The following PC variants were observed in gnomAD, a reference collection of about 807,000 sequenced individuals.
The protein encoded by PC is pyruvate carboxylase.
Under a neutral mutation model 107.8 loss-of-function variants are expected in PC, and 46 were observed. That is an observed-to-expected ratio of 0.43 (90% CI 0.34 to 0.55). PC has a LOEUF of 0.55. PC is among the 20% of genes least tolerant of loss of function. PC has a pLI of 0.04. For missense variants in PC, 1,241 were observed against 1,643.1 expected (o/e 0.76, Z 4.23); for synonymous variants, 662 against 684.7 (o/e 0.97, Z 0.52).
Position 66,849,154 on chromosome 11 carries a change from AC to A in PC, c.3289-8del, listed in dbSNP as rs2135784540. 1.2e-6 allele frequency: 2 copies of A among 1,613,770 alleles called. No homozygotes were observed. Among genetic ancestry groups the A allele is most frequent in the Non-Finnish European group, 1.7e-6 (2 of 1,179,998 alleles). ...TGGGGTGGAAGTGCATCTCCTGAAG[AC>A]ACAGGGCAGAGGGGACATGACATCC... On this transcript the variant is annotated splice_polypyrimidine_tract_variant and splice_region_variant and intron_variant, in intron 22 of 22. Transcript: ENST00000393960.
chr11:66,881,672 C>A (rs1947193122), intron 3 of PC, among the ~76,000 whole-genome samples: 1 of 152,360 alleles, frequency 6.6e-6, no homozygotes, highest in Admixed American at 6.5e-5. Flanking sequence ...CCCAGCAGAG[C>A]CTTGCTCCTT....
intron 3 of PC, among the ~76,000 whole-genome samples, chr11:66,943,577 CT>C (rs1363230093): frequency 1.3e-5 from 2 of 150,706 alleles, no homozygotes; most frequent in Non-Finnish European, 3.0e-5. Context: ...AACCCTGTCT[CT>C]ACTAAAAATG....
At chr11:66,906,516 G>A (rs922486835) in intron 3 of PC, among the ~76,000 whole-genome samples, 2 of 152,142 alleles carry the variant, frequency 1.3e-5, no homozygotes, top group African/African-American at 4.8e-5. Context: ...TCCCGGGGTG[G>A]GGAGAAAGGC....
intron 3 of PC, among the ~76,000 whole-genome samples, chr11:66,950,794 C>G (rs1185295466): frequency 6.6e-6 from 1 of 152,166 alleles, no homozygotes; most frequent in Non-Finnish European, 1.5e-5. Context: ...AAGCAGCCTT[C>G]TCTAGGCTTC....
intron 3 of PC, among the ~76,000 whole-genome samples, chr11:66,902,180 T>C (rs1039251935): frequency 4.6e-5 from 7 of 152,216 alleles, no homozygotes; most frequent in African/African-American, 1.7e-4. Flanking sequence ...TCTCTCCCTA[T>C]TCGTGACTCC....
At chr11:66,943,778 A>G (rs1020659877) in intron 3 of PC, among the ~76,000 whole-genome samples, 14 of 147,850 alleles carry the variant, frequency 9.5e-5, no homozygotes, top group Non-Finnish European at 1.6e-4. Context: ...AAAAAAAAAA[A>G]AAAAAAAGAA....
At chr11:66,937,748 C>T (rs946719510) in intron 3 of PC, among the ~76,000 whole-genome samples, 16 of 151,470 alleles carry the variant, frequency 1.1e-4, no homozygotes, top group African/African-American at 3.9e-4. Context: ...AGTAACTACA[C>T]AGTTCAACTC....
At chr11:66,862,190 A>T (rs916006497) in intron 12 of PC, among the ~76,000 whole-genome samples, 1 of 152,124 alleles carries the variant, frequency 6.6e-6, no homozygotes, top group Admixed American at 6.5e-5. Flanking sequence ...TCGACAGCTG[A>T]TGTCGCGACA....
At chr11:66,908,696 G>A (rs535646858) in intron 3 of PC, among the ~76,000 whole-genome samples, 4 of 152,178 alleles carry the variant, frequency 2.6e-5, no homozygotes, top group Non-Finnish European at 4.4e-5. Flanking sequence ...TGCATGGTTC[G>A]GCGCGCTCAC....
chr11:66,927,609 G>A (rs572743575), intron 3 of PC, among the ~76,000 whole-genome samples: 4 of 151,894 alleles, frequency 2.6e-5, no homozygotes, highest in African/African-American at 9.7e-5. Context: ...TGTAGTCTCA[G>A]CTACTAGGGA....
intron 3 of PC, among the ~76,000 whole-genome samples, chr11:66,894,893 G>C (rs929549257): frequency 6.6e-6 from 1 of 152,068 alleles, no homozygotes. Flanking sequence ...GTGGTGGCAT[G>C]CACCTGTAGT....
At chr11:66,881,422 C>T (rs889533131) in intron 3 of PC, among the ~76,000 whole-genome samples, 1 of 152,226 alleles carries the variant, frequency 6.6e-6, no homozygotes, top group Non-Finnish European at 1.5e-5. Context: ...CGGGTGACTC[C>T]ACAGCTTCCA....
In PC at chr11:66,858,313, C is replaced by T. The variant is rs1219903804; in HGVS notation, c.1369-4930G>A. ...GACGCACTGCCCCCAGGCGCCTTCG[C>T]CCAGCTCGGTCAGCTCTCCCGCCTG... On this transcript the variant is annotated intron_variant, in intron 12 of 22. Transcript: ENST00000393960. This position sits in a 1 kb window ranked among gnomAD's most constrained non-coding sequence, Gnocchi z 5.9. The T allele has an allele frequency of 6.2e-7, 1 of 1,609,578 alleles. No homozygotes were observed. Among genetic ancestry groups the T allele is most frequent in the Non-Finnish European group, 8.5e-7 (1 of 1,179,518 alleles).
rs1946021372 is a variant in PC, at chr11:66,858,527, C to G, written c.1369-5144G>C. ...ACCTGGAAACGTGCGCCTCCCCGCC[C>G]GGCCTGGCCGGCCGCTACTTCTGGG... On this transcript the variant is annotated intron_variant, in intron 12 of 22. Coordinates refer to ENST00000393960, the MANE Select transcript of PC (RefSeq NM_001040716.2). The surrounding 1 kb of genome is among the most constrained non-coding windows in gnomAD (Gnocchi z 5.9). 6 of 1,533,736 alleles carry G rather than the reference C, an allele frequency of 3.9e-6. No individual in the cohort carries two copies. Among genetic ancestry groups the G allele is most frequent in the Non-Finnish European group, 5.2e-6 (6 of 1,145,334 alleles).
chr11:66,884,521 A>G (rs1438127977), intron 3 of PC, among the ~76,000 whole-genome samples: 1 of 152,208 alleles, frequency 6.6e-6, no homozygotes, highest in Non-Finnish European at 1.5e-5. Context: ...GCACACACAC[A>G]CTAGTGGGAC....
Position 66,850,049 on chromosome 11 carries a change from G to C in PC, c.2786C>G (p.Ala929Gly), listed in dbSNP as rs565678903. 13 of 1,613,710 alleles carry C rather than the reference G, an allele frequency of 8.1e-6. No individual in the cohort carries two copies. The Admixed American group carries it at 2.2e-4, about 27-fold the overall frequency. The stretch of plus-strand genomic sequence containing the variant: ...CTCTTCCGCCTGAGCTTCGGCCTCT[G>C]CCCGGCTCAATCCATTCTGCACCAT... ...QFMVQNGLSR[A>G]EAEAQAEELS... The change falls in exon 20 of 23, where the codon GCA (alanine) becomes GGA (glycine). Residue 929 changes from alanine to glycine, a missense_variant. By Grantham distance (60) the Ala-to-Gly change is moderately conservative. This residue lies in a region of PC where 1,143 missense variants were observed against 1,551.9 expected (regional missense o/e 0.74). Transcript: ENST00000393960.
At chr11:66,912,985 C>A (rs1296598941) in intron 3 of PC, among the ~76,000 whole-genome samples, 1 of 152,206 alleles carries the variant, frequency 6.6e-6, no homozygotes, top group Non-Finnish European at 1.5e-5. Context: ...TAAGCCCCCA[C>A]CCAGCAACCC....
In PC at chr11:66,857,714, G is replaced by C; in HGVS notation, c.1369-4331C>G. On this transcript the variant is annotated intron_variant, in intron 12 of 22. Coordinates refer to ENST00000393960, the MANE Select transcript of PC (RefSeq NM_001040716.2). The surrounding 1 kb of genome is among the most constrained non-coding windows in gnomAD (Gnocchi z 7.1). Reference sequence around the variant, plus strand: ...CCTGCGCCAGCCCCACCTGTGCCTGGGCTGTGGCCCCTTCCTACAGGGCGC... The same window carrying C: ...CCTGCGCCAGCCCCACCTGTGCCTGCGCTGTGGCCCCTTCCTACAGGGCGC... The C allele has an allele frequency of 6.4e-7, 1 of 1,568,410 alleles. No individual in the cohort carries two copies. Among genetic ancestry groups the C allele is most frequent in the Non-Finnish European group, 8.6e-7 (1 of 1,162,668 alleles).
chr11:66,920,022 G>A (rs576972775), intron 3 of PC, among the ~76,000 whole-genome samples: 4 of 152,256 alleles, frequency 2.6e-5, no homozygotes, highest in African/African-American at 7.2e-5. Context: ...AGCACAAAAC[G>A]GTTGTTGAAT....
Sources: gnomAD v4.1 joint callset for allele counts (sites outside exome capture counted in the v4.1 genomes callset) on GRCh38, gnomAD v4.1.1 for gene constraint, gnomAD v4.1.1 regional missense constraint, Gnocchi (gnomAD v3.1) non-coding constraint, MANE v1.5 for transcripts, NCBI Gene and HGNC (gene_info 2026-07-23, HGNC 2026-07-21) for gene names.